ERC1: variants seen among roughly 807,000 people sequenced by gnomAD.
ERC1 encodes the protein ELKS/RAB6-interacting/CAST family member 1, also known as RAB6 interacting protein 2.
Under a neutral mutation model 132.0 loss-of-function variants are expected in ERC1, and 56 were observed. That is an observed-to-expected ratio of 0.42 (90% CI 0.34 to 0.53). The LOEUF (loss-of-function observed/expected upper bound fraction) is 0.53, where lower values mean the gene tolerates loss of function less well. Among genes scored for constraint, ERC1 ranks in the 20% least tolerant of loss-of-function variants. ERC1 has a pLI of 0.03. For synonymous variants in ERC1, 478 were observed against 476.1 expected (o/e 1.00, Z -0.05); for missense variants, 1,202 against 1,349.9 (o/e 0.89, Z 1.72).
At chr12:1,098,959 C>G (rs552868643) in intron 3 of ERC1, among the ~76,000 whole-genome samples, 1 of 152,336 alleles carries the variant, frequency 6.6e-6, no homozygotes, top group South Asian at 2.1e-4. Flanking sequence ...GAACTAAAAA[C>G]AGGAGAGTGT....
At chr12:1,043,838 AT>A (rs35842627) in intron 2 of ERC1, among the ~76,000 whole-genome samples, 64,503 of 152,092 alleles carry the variant, frequency 0.42, 16,849 homozygotes, top group East Asian at 0.79. Flanking sequence ...GCAACATTGC[AT>A]TGTTGCTAAT....
At chr12:1,174,048 TG>T (rs1210162281) in intron 8 of ERC1, among the ~76,000 whole-genome samples, 1 of 151,250 alleles carries the variant, frequency 6.6e-6, no homozygotes, top group Admixed American at 6.6e-5. Flanking sequence ...CTGGATTCAG[TG>T]GGGGCTCAGC....
intron 2 of ERC1, among the ~76,000 whole-genome samples, chr12:1,036,710 T>A (rs1384679004): frequency 1.3e-5 from 2 of 152,196 alleles, no homozygotes; most frequent in African/African-American, 2.4e-5. Flanking sequence ...GCTAGTTGTT[T>A]CACTGTCATT....
At chr12:1,254,214 A>G (rs1594570486) in intron 13 of ERC1, among the ~76,000 whole-genome samples, 1 of 152,178 alleles carries the variant, frequency 6.6e-6, no homozygotes. Context: ...TTCCTTTGCT[A>G]TCTCTAGATA....
In ERC1 at chr12:1,424,837, AGATAGATGATAGATAGATAGATAGATC is replaced by A. The variant is rs1565410866; in HGVS notation, c.3024+16598_3024+16624del. Among the ~76,000 whole-genome samples, 818 of 93,710 alleles carry A rather than the reference AGATAGATGATAGATAGATAGATAGATC, an allele frequency of 8.7e-3. 3 individuals are homozygous for A. The highest frequency in any genetic ancestry group is 0.016 in the Middle Eastern group (3 of 190). 61.5% of individuals were successfully genotyped at this position (93,710 alleles called of 152,430 possible). A position where few individuals can be genotyped will look rare whatever the true frequency, so the allele number is the denominator to read the frequency against. The stretch of plus-strand genomic sequence containing the variant: ...TAGATAGATAGATAGATAGATAGAT[AGATAGATGATAGATAGATAGATAGATC>A]GATAGATAGATAGATAGATAGATAG... On this transcript the variant is annotated intron_variant, in intron 17 of 18. Coordinates refer to ENST00000360905, the MANE Select transcript of ERC1 (RefSeq NM_178040.4).
At chr12:1,434,875 G>A (rs575354805) in intron 17 of ERC1, among the ~76,000 whole-genome samples, 5 of 152,260 alleles carry the variant, frequency 3.3e-5, no homozygotes, top group East Asian at 1.9e-4. Context: ...TTGCTTAAGC[G>A]TCCACAACTA....
At chr12:1,362,835 C>T (rs74057183) in intron 15 of ERC1, among the ~76,000 whole-genome samples, 3,777 of 152,212 alleles carry the variant, frequency 0.025, 171 homozygotes, top group African/African-American at 0.087. Context: ...CACAGAAATA[C>T]ACACTTTAAA....
intron 13 of ERC1, among the ~76,000 whole-genome samples, chr12:1,252,685 A>C (rs1157869283): frequency 1.3e-5 from 2 of 152,142 alleles, no homozygotes; most frequent in Non-Finnish European, 2.9e-5. Context: ...GAGACATTTG[A>C]GGTGTTTTAA....
At chr12:1,357,140 TG>T (rs1287793702) in intron 15 of ERC1, among the ~76,000 whole-genome samples, 1 of 152,186 alleles carries the variant, frequency 6.6e-6, no homozygotes, top group African/African-American at 2.4e-5. Flanking sequence ...CTACTTTTTT[TG>T]TAAGTGTACC....
In ERC1 at chr12:1,115,898, G is replaced by C. The variant is rs1946393339; in HGVS notation, c.1434G>C (p.Lys478Asn). The C allele has an allele frequency of 6.2e-7, 1 of 1,613,912 alleles. No homozygotes were observed. Among genetic ancestry groups the C allele is most frequent in the Non-Finnish European group, 8.5e-7 (1 of 1,179,962 alleles). The change falls in exon 7 of 19, where the codon AAG becomes AAC. Residue 478 changes from lysine (K) to asparagine (N), a missense_variant. Coordinates refer to ENST00000360905, the MANE Select transcript of ERC1 (RefSeq NM_178040.4). ...AGGTGAAACAGGAGCTGTCCAGAAA[G>C]GACACAGAACTACTCGCCCTGCAGA... ...IGQVKQELSR[K>N]DTELLALQTK...
chr12:1,001,438 A>G (rs1485965383), intron 1 of ERC1, among the ~76,000 whole-genome samples: 5 of 152,250 alleles, frequency 3.3e-5, no homozygotes, highest in Non-Finnish European at 5.9e-5. Context: ...TGAATCAGAC[A>G]CTTGTATAAC....
At chr12:1,061,834 C>T (rs75218777) in intron 2 of ERC1, among the ~76,000 whole-genome samples, 1 of 151,712 alleles carries the variant, frequency 6.6e-6, no homozygotes, top group East Asian at 1.9e-4. Flanking sequence ...TTGTTCTTGC[C>T]TTTCAGGTTC....
chr12:1,314,785 T>G (rs1310840232), intron 15 of ERC1, among the ~76,000 whole-genome samples: 2 of 152,194 alleles, frequency 1.3e-5, no homozygotes, highest in African/African-American at 4.8e-5. Flanking sequence ...GGCAATCTTT[T>G]AAAAATAAAA....
intron 12 of ERC1, chr12:1,203,941 G>A (rs1358003297): frequency 6.6e-6 from 1 of 152,518 alleles, no homozygotes; most frequent in Non-Finnish European, 1.5e-5. Context: ...AGTACTAGTT[G>A]TTATTAGGAG....
intron 15 of ERC1, among the ~76,000 whole-genome samples, chr12:1,346,118 G>C (rs1307526752): frequency 6.6e-6 from 1 of 152,068 alleles, no homozygotes; most frequent in African/African-American, 2.4e-5. Context: ...TTCTCAGCTG[G>C]ATCTCCACTG....
At chr12:1,415,896 TTTA>T (rs1370586103) in intron 17 of ERC1, among the ~76,000 whole-genome samples, 1 of 152,204 alleles carries the variant, frequency 6.6e-6, no homozygotes, top group African/African-American at 2.4e-5. Flanking sequence ...AAAATGAACA[TTTA>T]TTAAGCATTT....
intron 18 of ERC1, among the ~76,000 whole-genome samples, chr12:1,477,120 A>C (rs1406834408): frequency 8.1e-6 from 1 of 122,926 alleles, no homozygotes; most frequent in Non-Finnish European, 1.8e-5. Flanking sequence ...GTGTAGATCC[A>C]CCTTCATAAT....
chr12:1,124,900 C>T (rs1241659550), intron 7 of ERC1, among the ~76,000 whole-genome samples: 1 of 151,928 alleles, frequency 6.6e-6, no homozygotes, highest in Non-Finnish European at 1.5e-5. Context: ...GAACAACAGT[C>T]GTTATAGAAA....
intron 3 of ERC1, among the ~76,000 whole-genome samples, chr12:1,096,967 TA>T (rs1255911241): frequency 6.6e-6 from 1 of 152,244 alleles, no homozygotes; most frequent in East Asian, 1.9e-4. Flanking sequence ...ATAGTATTGT[TA>T]TCTTGTATTA....
Sources: gnomAD v4.1 joint callset for allele counts (sites outside exome capture counted in the v4.1 genomes callset) on GRCh38, gnomAD v4.1.1 for gene constraint, MANE v1.5 for transcripts, NCBI Gene and HGNC (gene_info 2026-07-23, HGNC 2026-07-21) for gene names.